CFH: variants seen among roughly 807,000 people sequenced by gnomAD.
CFH encodes the protein complement factor H.
A neutral mutation model predicts 147.3 loss-of-function variants in CFH; 53 were observed. The ratio of observed to expected loss-of-function variants is 0.36; its 90% confidence interval spans 0.29 to 0.45. The LOEUF (loss-of-function observed/expected upper bound fraction) is 0.45. CFH is among the 20% of genes least tolerant of loss of function. The probability of loss-of-function intolerance (pLI) is 1.00; values close to 1 mark genes in which losing one functional copy is unlikely to be tolerated. For synonymous variants in CFH, 536 were observed against 489.4 expected, an observed-to-expected ratio of 1.10 and a Z score of -1.26; for missense variants, 1,380 against 1,498.0, an observed-to-expected ratio of 0.92 and a Z score of 1.30.
At chr1:196,725,095 C>T (rs957807671) in intron 11 of CFH, 26 bp from the exon 12 acceptor site, 31 of 1,584,918 alleles carry the variant, frequency 2.0e-5, no homozygotes, top group African/African-American at 9.4e-5. Flanking sequence ...TATATATTCT[C>T]ATGAAATTAT....
At chr1:196,714,658 TATATATATATAGAG>T (rs1333141075) in intron 10 of CFH, among the ~76,000 whole-genome samples, 16 of 47,468 alleles carry the variant, frequency 3.4e-4, no homozygotes, top group African/African-American at 1.2e-3. Context: ...TATATATATA[TATATATATATAGAG>T]AGAGAGAGAG....
intron 1 of CFH, among the ~76,000 whole-genome samples, chr1:196,666,461 T>G (rs1208829869): frequency 6.6e-6 from 1 of 152,084 alleles, no homozygotes; most frequent in African/African-American, 2.4e-5. Flanking sequence ...TTCTCATTTA[T>G]ATTATATTTT....
In CFH at chr1:196,679,618, T is replaced by C. The variant is rs755496090; in HGVS notation, c.620-5T>C. The C allele has an allele frequency of 1.9e-6, 3 of 1,592,566 alleles. No individual in the cohort carries two copies. In the Admixed American group the frequency reaches 5.0e-5, roughly 27 times the overall value. Reference sequence around the variant, plus strand: ...ACATTTTGGAATTTAATCCCTTTTATTTAGAAATTTCATGCAAATCCCCAG... The same window carrying C: ...ACATTTTGGAATTTAATCCCTTTTACTTAGAAATTTCATGCAAATCCCCAG... On this transcript the variant is annotated splice_polypyrimidine_tract_variant and splice_region_variant and intron_variant, in intron 5 of 21. Transcript: ENST00000367429.
intron 6 of CFH, among the ~76,000 whole-genome samples, chr1:196,682,669 A>C (rs1415288734): frequency 6.6e-6 from 1 of 151,614 alleles, no homozygotes; most frequent in Non-Finnish European, 1.5e-5. Flanking sequence ...ATGAAGTGAC[A>C]GAAAAAAAGA....
chr1:196,714,411 T>C (rs1341733600), intron 10 of CFH, among the ~76,000 whole-genome samples: 4 of 151,342 alleles, frequency 2.6e-5, no homozygotes, highest in African/African-American at 9.7e-5. Flanking sequence ...TTTTCATAAA[T>C]ATTTAGGTAG....
At chr1:196,731,248 T>C (rs1405163216) in intron 15 of CFH, among the ~76,000 whole-genome samples, 1 of 151,946 alleles carries the variant, frequency 6.6e-6, no homozygotes, top group Non-Finnish European at 1.5e-5. Flanking sequence ...GATGTTTTGC[T>C]TTTGGCTATC....
chr1:196,715,969 G>T (rs750311645), intron 11 of CFH, among the ~76,000 whole-genome samples, 200 bp downstream of exon 11: 1 of 151,812 alleles, frequency 6.6e-6, no homozygotes, highest in Non-Finnish European at 1.5e-5. Context: ...ACTTCCTATG[G>T]GCCACCTACC....
At chr1:196,739,471 G>A (rs1299867357) in intron 17 of CFH, among the ~76,000 whole-genome samples, 2 of 152,170 alleles carry the variant, frequency 1.3e-5, no homozygotes, top group African/African-American at 2.4e-5. Context: ...AGATCTCTAA[G>A]GCAGGGCAAT....
intron 15 of CFH, among the ~76,000 whole-genome samples, chr1:196,732,621 A>C (rs956320537): frequency 3.3e-5 from 5 of 151,894 alleles, no homozygotes; most frequent in Admixed American, 2.0e-4. Flanking sequence ...TAGGAGAAAG[A>C]CCTCACTAAT....
intron 3 of CFH, among the ~76,000 whole-genome samples, chr1:196,675,738 G>A (rs1272765110): frequency 3.9e-5 from 6 of 151,982 alleles, no homozygotes; most frequent in Admixed American, 6.6e-5. Context: ...GGAGAGAGAG[G>A]TTAAGAGATT....
intron 10 of CFH, among the ~76,000 whole-genome samples, 200 bp from the exon 11 acceptor site, chr1:196,715,393 A>T (rs938513409): frequency 6.6e-6 from 1 of 152,120 alleles, no homozygotes; most frequent in African/African-American, 2.4e-5. Flanking sequence ...AATGAAAAAA[A>T]ATGTTGTGTA....
chr1:196,720,656 A>G (rs1171589737), intron 11 of CFH, among the ~76,000 whole-genome samples: 1 of 151,652 alleles, frequency 6.6e-6, no homozygotes, highest in East Asian at 1.9e-4. Context: ...TTGGCTGAGT[A>G]GTATTCTATG....
chr1:196,733,507 C>T (rs1052453041), intron 15 of CFH, among the ~76,000 whole-genome samples: 1 of 152,030 alleles, frequency 6.6e-6, no homozygotes, highest in Non-Finnish European at 1.5e-5. Context: ...ATGACACAAA[C>T]CTTTTTGAGG....
intron 9 of CFH, among the ~76,000 whole-genome samples, chr1:196,707,179 A>T (rs751773365): frequency 1.3e-5 from 2 of 152,200 alleles, no homozygotes; most frequent in East Asian, 1.9e-4. Context: ...AACAAATTTT[A>T]GCTAAGATTT....
At chr1:196,658,407 ATTTTTTTTT>A (rs549213437) in intron 1 of CFH, among the ~76,000 whole-genome samples, 1 of 92,276 alleles carries the variant, frequency 1.1e-5, no homozygotes, top group Admixed American at 1.3e-4. Context: ...TGCTCAGGTA[ATTTTTTTTT>A]TTTTTTTTTT....
intron 14 of CFH, 59 bp downstream of exon 14, chr1:196,726,999 C>T: frequency 8.8e-6 from 13 of 1,478,430 alleles, no homozygotes; most frequent in Non-Finnish European, 1.1e-5. Flanking sequence ...ATTGTAACAA[C>T]AATAATTGCA....
chr1:196,732,755 A>G (rs944453080), intron 15 of CFH, among the ~76,000 whole-genome samples: 3 of 152,088 alleles, frequency 2.0e-5, no homozygotes, highest in African/African-American at 4.8e-5. Context: ...CCAACAAGTT[A>G]GGAGCCAGGA....
Position 196,690,795 on chromosome 1 carries a change from A to C in CFH, c.1336+556A>C, listed in dbSNP as rs549772460. Among the ~76,000 whole-genome samples the C allele has an allele frequency of 2.0e-5, 3 of 152,150 alleles. No homozygotes were observed. The South Asian group carries it at 6.2e-4, about 31-fold the overall frequency. On this transcript the variant is annotated intron_variant, in intron 9 of 21. Transcript: ENST00000367429. The stretch of plus-strand genomic sequence containing the variant: ...TGGTTAAACTAGGTGTGACATTTAC[A>C]TAATATGCCAGGAAGCTGGCCGCCC...
chr1:196,736,565 A>G (rs1474512896), intron 15 of CFH, among the ~76,000 whole-genome samples: 1 of 152,126 alleles, frequency 6.6e-6, no homozygotes, highest in African/African-American at 2.4e-5. Context: ...CAAAGAATAT[A>G]TGAAAAAACT....
Sources: allele counts gnomAD v4.1 joint callset (sites outside exome capture counted in the v4.1 genomes callset), GRCh38; gene constraint gnomAD v4.1.1; transcripts MANE v1.5; gene names NCBI Gene and HGNC (gene_info 2026-07-23, HGNC 2026-07-21).